Variants in CAB39 observed in about 807,000 individuals in gnomAD.
CAB39 encodes calcium binding protein 39, also known as calcium-binding protein 39.
A neutral mutation model predicts 40.0 loss-of-function variants in CAB39; 8 were observed. The observed-to-expected ratio is 0.20, with a 90% CI of 0.12 to 0.36. The LOEUF is 0.36. CAB39 is among the 10% of genes least tolerant of loss of function. The pLI is 1.00. For synonymous variants in CAB39, 156 were observed against 141.6 expected (o/e 1.10, Z -0.72); for missense variants, 270 against 401.1 (o/e 0.67, Z 2.79).
At chr2:230,790,756 TCATAGGTC>T in intron 2 of CAB39, 108 bp from the exon 3 acceptor site, 1 of 856,568 alleles carries the variant, frequency 1.2e-6, no homozygotes, top group Non-Finnish European at 1.8e-6. Context: ...TGCTTCTTGT[TCATAGGTC>T]CATGGGTCTG....
intron 2 of CAB39, among the ~76,000 whole-genome samples, chr2:230,782,071 G>A (rs1021218324): frequency 1.3e-5 from 2 of 152,024 alleles, no homozygotes; most frequent in African/African-American, 4.8e-5. Flanking sequence ...TCACCAAGTT[G>A]GCCAGGTTGG....
At chr2:230,762,424 T>C (rs911663897) in intron 2 of CAB39, among the ~76,000 whole-genome samples, 1 of 152,158 alleles carries the variant, frequency 6.6e-6, no homozygotes. Flanking sequence ...TCTTCAACTT[T>C]AGGAAGCACT....
intron 2 of CAB39, among the ~76,000 whole-genome samples, chr2:230,784,467 T>C (rs576239549): frequency 3.3e-5 from 5 of 152,240 alleles, no homozygotes; most frequent in African/African-American, 1.2e-4. Flanking sequence ...ATGAGATCAC[T>C]TAAGAGTCTA....
intron 5 of CAB39, among the ~76,000 whole-genome samples, chr2:230,802,555 A>G (rs1040373674): frequency 2.6e-5 from 4 of 152,250 alleles, no homozygotes; most frequent in African/African-American, 9.6e-5. Flanking sequence ...AATAGACGCA[A>G]TAAAAAATGA....
chr2:230,746,206 A>G (rs962302950), intron 1 of CAB39, among the ~76,000 whole-genome samples: 1 of 152,224 alleles, frequency 6.6e-6, no homozygotes, highest in Non-Finnish European at 1.5e-5. Context: ...CCTGACACCT[A>G]CATTCAGTGT....
chr2:230,811,532 C>T (rs1021142455), intron 6 of CAB39, among the ~76,000 whole-genome samples: 2 of 152,192 alleles, frequency 1.3e-5, no homozygotes, highest in Non-Finnish European at 2.9e-5. Flanking sequence ...TAGATAGAAG[C>T]ATGGACTTGA....
At chr2:230,761,111 G>A (rs1695282304) in intron 2 of CAB39, among the ~76,000 whole-genome samples, 1 of 151,044 alleles carries the variant, frequency 6.6e-6, no homozygotes, top group Non-Finnish European at 1.5e-5. Context: ...ATGAGATCTT[G>A]GGGATGGGAC....
At chr2:230,772,906 G>A (rs190670288) in intron 2 of CAB39, among the ~76,000 whole-genome samples, 61 of 150,612 alleles carry the variant, frequency 4.1e-4, no homozygotes, top group African/African-American at 1.5e-3. Flanking sequence ...GTTCATAGCG[G>A]CCTTATTTGT....
chr2:230,798,104 G>A (rs193024501), intron 4 of CAB39, among the ~76,000 whole-genome samples: 112 of 152,258 alleles, frequency 7.4e-4, no homozygotes, highest in African/African-American at 2.6e-3. Context: ...TGAGCATAGG[G>A]AAGGCTGTGT....
intron 2 of CAB39, among the ~76,000 whole-genome samples, chr2:230,766,466 C>T (rs1263354391): frequency 6.6e-6 from 1 of 152,168 alleles, no homozygotes; most frequent in African/African-American, 2.4e-5. Context: ...ATGGGGAGAG[C>T]ACCAAGCCAT....
chr2:230,803,457 A>C (rs568733287), intron 5 of CAB39, among the ~76,000 whole-genome samples: 80 of 152,334 alleles, frequency 5.3e-4, no homozygotes, highest in African/African-American at 1.9e-3. Flanking sequence ...GAAAAGAGGA[A>C]GTCAAATTGT....
chr2:230,800,074 A>C (rs1359501178), intron 5 of CAB39, among the ~76,000 whole-genome samples: 1 of 152,122 alleles, frequency 6.6e-6, no homozygotes, highest in East Asian at 1.9e-4. Context: ...TAGCATACTG[A>C]TATGCAGACG....
chr2:230,722,731 C>T (rs1694475750), intron 1 of CAB39, among the ~76,000 whole-genome samples: 1 of 152,198 alleles, frequency 6.6e-6, no homozygotes, highest in Non-Finnish European at 1.5e-5. Context: ...GCTGAAGTCT[C>T]AAATTCTTTC....
chr2:230,808,447 G>A (rs1369040601), intron 5 of CAB39, among the ~76,000 whole-genome samples: 5 of 152,236 alleles, frequency 3.3e-5, no homozygotes, highest in African/African-American at 4.8e-5. Context: ...ACAATAGCAT[G>A]TTAAATGGTG....
At chr2:230,754,837 G>A (rs567357457) in intron 1 of CAB39, among the ~76,000 whole-genome samples, 1 of 152,112 alleles carries the variant, frequency 6.6e-6, no homozygotes, top group African/African-American at 2.4e-5. Flanking sequence ...GTCTTCTATC[G>A]CTCGCCCGCT....
chr2:230,777,887 G>A (rs1695621985), intron 2 of CAB39, among the ~76,000 whole-genome samples: 2 of 152,180 alleles, frequency 1.3e-5, no homozygotes, highest in South Asian at 4.1e-4. Context: ...ATAATTCACA[G>A]GAAGTTGCAG....
At chr2:230,747,157 A>G (rs1464226910) in intron 1 of CAB39, among the ~76,000 whole-genome samples, 2 of 152,148 alleles carry the variant, frequency 1.3e-5, no homozygotes, top group Non-Finnish European at 2.9e-5. Flanking sequence ...CCTGGGAGGC[A>G]GAAGTTGCAG....
In CAB39 at chr2:230,818,524, A is replaced by C. The variant is rs1308907261; in HGVS notation, c.846A>C (p.Val282=). ...FEAFHVFKVF[V]ANPNKTQPIL... ...CGTTTCTCTCCACGCAGGTGTTTGTAGCCAATCCTAACAAGACGCAGCCCA... is the reference window on the plus strand; with the variant it reads ...CGTTTCTCTCCACGCAGGTGTTTGTCGCCAATCCTAACAAGACGCAGCCCA... The change falls in exon 9 of 9, where the codon GTA becomes GTC. Residue 282 remains valine, a synonymous_variant. Coordinates refer to ENST00000258418, the MANE Select transcript of CAB39 (RefSeq NM_016289.4). 6.2e-7 allele frequency: 1 copy of C among 1,613,748 alleles called. No homozygotes were observed.
intron 1 of CAB39, chr2:230,752,386 A>G (rs1695106513): frequency 6.6e-6 from 1 of 152,160 alleles, no homozygotes; most frequent in African/African-American, 2.4e-5. Flanking sequence ...AAACAAATTT[A>G]TTTCTCACAG....
Sources: gnomAD v4.1 joint callset for allele counts (sites outside exome capture counted in the v4.1 genomes callset) on GRCh38, gnomAD v4.1.1 for gene constraint, MANE v1.5 for transcripts, NCBI Gene and HGNC (gene_info 2026-07-23, HGNC 2026-07-21) for gene names.